AUTS2: variants seen among roughly 807,000 people sequenced by gnomAD.
The protein encoded by AUTS2 is autism susceptibility gene 2 protein.
In AUTS2, 17 loss-of-function variants were observed where a neutral mutation model predicts 112.4. The ratio of observed to expected loss-of-function variants is 0.15; its 90% CI spans 0.10 to 0.23. AUTS2 has a LOEUF of 0.23. AUTS2 is among the 10% of genes least tolerant of loss of function. The pLI is 1.00. For missense variants in AUTS2, 1,510 were observed against 1,701.6 expected (o/e 0.89, Z 1.98); for synonymous variants, 751 against 702.7 (o/e 1.07, Z -1.09).
chr7:69,969,010 T>A (rs549624933), intron 2 of AUTS2, among the ~76,000 whole-genome samples: 64 of 152,324 alleles, frequency 4.2e-4, no homozygotes, highest in African/African-American at 1.5e-3. Flanking sequence ...AGTAAAATAT[T>A]ATCTATTCAT....
At chr7:70,732,315 C>T (rs1787463505) in intron 6 of AUTS2, among the ~76,000 whole-genome samples, 1 of 152,164 alleles carries the variant, frequency 6.6e-6, no homozygotes, top group Non-Finnish European at 1.5e-5. Context: ...CCCATCTGCC[C>T]TTTAGGATTC....
chr7:70,582,959 T>C (rs1483126182), intron 5 of AUTS2, among the ~76,000 whole-genome samples: 3 of 152,260 alleles, frequency 2.0e-5, no homozygotes, highest in Non-Finnish European at 4.4e-5. Flanking sequence ...CCAAACTTCT[T>C]TGGGTTAAAA....
chr7:69,718,418 A>T (rs2129211254), intron 1 of AUTS2, among the ~76,000 whole-genome samples: 1 of 152,140 alleles, frequency 6.6e-6, no homozygotes, highest in East Asian at 1.9e-4. Flanking sequence ...AAATTCTATG[A>T]CCTCATCTTT....
intron 2 of AUTS2, among the ~76,000 whole-genome samples, chr7:70,000,741 G>T (rs1799153775): frequency 6.6e-6 from 1 of 152,150 alleles, no homozygotes. Flanking sequence ...AGTCCCATCT[G>T]CCCCATATCC....
chr7:70,477,065 A>G (rs1797610496), intron 5 of AUTS2, among the ~76,000 whole-genome samples: 1 of 152,208 alleles, frequency 6.6e-6, no homozygotes, highest in Admixed American at 6.5e-5. Context: ...TGACCTGTGG[A>G]AAGAAATTAC....
intron 5 of AUTS2, among the ~76,000 whole-genome samples, chr7:70,439,888 C>T (rs1006333903): frequency 2.0e-5 from 3 of 152,164 alleles, no homozygotes; most frequent in Non-Finnish European, 4.4e-5. Context: ...CTACCCACAC[C>T]CTTTTTCTTG....
chr7:70,439,883 C>T (rs1796054727), intron 5 of AUTS2, among the ~76,000 whole-genome samples: 1 of 152,146 alleles, frequency 6.6e-6, no homozygotes, highest in Non-Finnish European at 1.5e-5. Context: ...CTGTTCTACC[C>T]ACACCCTTTT....
intron 2 of AUTS2, among the ~76,000 whole-genome samples, chr7:70,004,431 A>C (rs963594204): frequency 1.0e-3 from 18 of 17,754 alleles, no homozygotes; most frequent in African/African-American, 1.3e-3. Context: ...TTATATATAT[A>C]TATATATAAA....
At chr7:70,617,429 G>A (rs1406447797) in intron 5 of AUTS2, among the ~76,000 whole-genome samples, 3 of 152,146 alleles carry the variant, frequency 2.0e-5, no homozygotes, top group Non-Finnish European at 2.9e-5. Context: ...TTGGGAGGCC[G>A]AGGTGGGCGG....
intron 1 of AUTS2, among the ~76,000 whole-genome samples, chr7:69,646,768 CTCTCT>C (rs1795038570): frequency 6.7e-6 from 1 of 149,890 alleles, no homozygotes; most frequent in African/African-American, 2.5e-5. Context: ...AGTCCCTGAA[CTCTCT>C]TCCCTGTTTG....
At chr7:69,727,902 C>T (rs1162643537) in intron 1 of AUTS2, among the ~76,000 whole-genome samples, 1 of 152,142 alleles carries the variant, frequency 6.6e-6, no homozygotes, top group East Asian at 1.9e-4. Flanking sequence ...TCCCTTGATA[C>T]CCAGACCATA....
intron 4 of AUTS2, among the ~76,000 whole-genome samples, chr7:70,369,393 T>C (rs1342131628): frequency 2.6e-5 from 4 of 152,196 alleles, no homozygotes; most frequent in Non-Finnish European, 5.9e-5. Flanking sequence ...GTTTCATATA[T>C]GTCTTTTATT....
At chr7:70,704,750 G>C (rs569421651) in intron 6 of AUTS2, among the ~76,000 whole-genome samples, 1 of 152,240 alleles carries the variant, frequency 6.6e-6, no homozygotes, top group Admixed American at 6.5e-5. Flanking sequence ...GAGGAAGCCC[G>C]TGGCTAGCCC....
chr7:70,267,250 A>G (rs1301764393), intron 4 of AUTS2, among the ~76,000 whole-genome samples: 2 of 151,248 alleles, frequency 1.3e-5, no homozygotes, highest in Admixed American at 1.3e-4. Flanking sequence ...TTTCCTCATT[A>G]CCAGTCAAAG....
chr7:70,384,000 G>A (rs571772974), intron 4 of AUTS2, among the ~76,000 whole-genome samples: 3 of 152,188 alleles, frequency 2.0e-5, no homozygotes, highest in East Asian at 1.9e-4. Flanking sequence ...TGATGAATGC[G>A]ATTAGCAGCC....
rs866814075 is a variant in AUTS2 at position 69,876,516 on chromosome 7, A to G, written c.310-22770A>G. 2.5e-3 allele frequency among the ~76,000 whole-genome samples: 176 copies of G among 70,886 alleles called. 11 individuals carry two copies. The highest frequency in any genetic ancestry group is 5.0e-3 in the African/African-American group (54 of 10,772). 46.5% of individuals were successfully genotyped at this position (70,886 alleles called of 152,430 possible). The stretch of plus-strand genomic sequence containing the variant: ...TATATATATATATATATATATATAT[A>G]TATATATATATATATATATATATAT... On this transcript the variant is annotated intron_variant, in intron 1 of 18. Coordinates refer to ENST00000342771, the MANE Select transcript of AUTS2 (RefSeq NM_015570.4).
At chr7:70,468,456 C>T (rs1797251521) in intron 5 of AUTS2, among the ~76,000 whole-genome samples, 2 of 152,040 alleles carry the variant, frequency 1.3e-5, no homozygotes, top group Admixed American at 6.6e-5. Flanking sequence ...AAAGAGATTG[C>T]CTTGAAGATT....
chr7:69,782,464 A>G (rs965096052), intron 1 of AUTS2, among the ~76,000 whole-genome samples: 1 of 151,696 alleles, frequency 6.6e-6, no homozygotes, highest in African/African-American at 2.4e-5. Context: ...GGTCCCTACC[A>G]GTAGAAGATG....
chr7:70,054,588 T>C (rs987461550), intron 2 of AUTS2, among the ~76,000 whole-genome samples: 7 of 152,126 alleles, frequency 4.6e-5, no homozygotes, highest in African/African-American at 1.7e-4. Context: ...AAAAAATAAA[T>C]GGGATTTTTC....
Sources: gnomAD v4.1 joint callset for allele counts (sites outside exome capture counted in the v4.1 genomes callset) on GRCh38, gnomAD v4.1.1 for gene constraint, MANE v1.5 for transcripts, NCBI Gene and HGNC (gene_info 2026-07-23, HGNC 2026-07-21) for gene names.